Variants in PVALEF observed in about 807,000 individuals in gnomAD.
PVALEF encodes parvalbumin-like EF-hand-containing protein.
Under a neutral mutation model 1.2 loss-of-function variants are expected in PVALEF, and 2 were observed. The ratio of observed to expected loss-of-function variants is 1.68; its 90% CI spans 0.69 to 5.28. The LOEUF is 5.28. Among genes scored for constraint, PVALEF ranks in the 30% most tolerant of loss-of-function variants. The probability of loss-of-function intolerance (pLI) is 0.06; values close to 1 mark genes in which losing one functional copy is unlikely to be tolerated. For missense variants in PVALEF, 35 were observed against 17.7 expected (o/e 1.97, Z -1.75); for synonymous variants, 16 against 6.5 (o/e 2.47, Z -2.24).
chr17:81,180,480 G>A (rs752810512), intron 3 of PVALEF, among the ~76,000 whole-genome samples: 38 of 152,190 alleles, frequency 2.5e-4, no homozygotes, highest in Non-Finnish European at 4.9e-4. Flanking sequence ...TGCTGGCTGG[G>A]GGAATCAGCC....
In PVALEF at chr17:81,179,111, C is replaced by G; in HGVS notation, c.-146C>G. ...GCCCCTGGGCCTCTCCACACCCCAG[C>G]CTGACCCACCTTCCAGAACTCTCGA... is the stretch of plus-strand genomic sequence containing the variant. On this transcript the variant is annotated 5_prime_UTR_variant, in exon 3 of 7. Transcript: ENST00000637878. 2.4e-6 allele frequency: 1 copy of G among 423,042 alleles called. No individual in the cohort carries two copies. The highest frequency in any genetic ancestry group is 1.6e-5 in the South Asian group (1 of 60,786). The allele number at this position is 423,042 out of a possible 1,614,324, so 26.2% of individuals were successfully genotyped here. A position where few individuals can be genotyped will look rare whatever the true frequency, so the allele number is the denominator to read the frequency against.
chr17:81,173,456 G>C (rs2061527063), intron 2 of PVALEF, among the ~76,000 whole-genome samples: 1 of 152,208 alleles, frequency 6.6e-6, no homozygotes, highest in Non-Finnish European at 1.5e-5. Flanking sequence ...TGGGGTGGGA[G>C]CTCATGCTAC....
Position 81,179,099 on chromosome 17 carries a change from T to A in PVALEF, c.-158T>A. On this transcript the variant is annotated 5_prime_UTR_variant, in exon 3 of 7. Coordinates refer to ENST00000637878, the MANE Select transcript of PVALEF (RefSeq NM_001354639.2). ...ATAAAAGCTGGAGCCCCTGGGCCTC[T>A]CCACACCCCAGCCTGACCCACCTTC... The A allele has an allele frequency of 2.2e-6, 1 of 444,794 alleles. No individual in the cohort carries two copies. The highest frequency in any genetic ancestry group is 4.6e-6 in the Non-Finnish European group (1 of 219,590). 27.6% of individuals were successfully genotyped at this position (444,794 alleles called of 1,614,324 possible). A position where few individuals can be genotyped will look rare whatever the true frequency, so the allele number is the denominator to read the frequency against.
At chr17:81,175,652 T>TTGA (rs2146447426) in intron 2 of PVALEF, among the ~76,000 whole-genome samples, 1 of 152,308 alleles carries the variant, frequency 6.6e-6, no homozygotes, top group South Asian at 2.1e-4. Context: ...GGTCAAACGA[T>TTGA]TGTTGACAAG....
chr17:81,166,622 C>T, intron 1 of PVALEF, 55 bp from the exon 2 acceptor site: 3 of 447,580 alleles, frequency 6.7e-6, no homozygotes, highest in South Asian at 4.7e-5. Context: ...TGGGGGAACC[C>T]GGGAGCACAC....
intron 1 of PVALEF, chr17:81,166,153 T>A (rs1189441647): frequency 1.2e-5 from 3 of 246,820 alleles, no homozygotes; most frequent in Non-Finnish European, 1.8e-5. Flanking sequence ...CCCGCACCGG[T>A]GGGGGCGGCG....
rs1211221715 is a variant in PVALEF at position 81,181,201 on chromosome 17, T to C, written c.-26T>C. 15 of 702,952 alleles carry C rather than the reference T, an allele frequency of 2.1e-5. No individual in the cohort carries two copies. Among genetic ancestry groups the C allele is most frequent in the Non-Finnish European group, 3.6e-5 (14 of 384,718 alleles). The allele number at this position is 702,952 out of a possible 1,614,324, so 43.5% of individuals were successfully genotyped here. Reference sequence around the variant, plus strand: ...CAATCCGTGCGTGCACCCCACGAATTGACTCCCTATCCACCCAGGACCAGG... The same window carrying C: ...CAATCCGTGCGTGCACCCCACGAATCGACTCCCTATCCACCCAGGACCAGG... On this transcript the variant is annotated 5_prime_UTR_variant, in exon 4 of 7. Coordinates refer to ENST00000637878, the MANE Select transcript of PVALEF (RefSeq NM_001354639.2).
At chr17:81,166,896 A>G (rs964237251) in intron 2 of PVALEF, 52 bp downstream of exon 2, 20 of 337,514 alleles carry the variant, frequency 5.9e-5, no homozygotes, top group African/African-American at 2.8e-4. Context: ...CCCTTCCCCT[A>G]TGTTTCTCCC....
chr17:81,168,558 A>G lies in PVALEF; in HGVS notation c.-340+1714A>G, dbSNP rs560944790. The stretch of plus-strand genomic sequence containing the variant: ...TGCCCACGCTGGGACAGGATCAGTG[A>G]GCACCTCTGGGTAAGAGGTCCCTGA... On this transcript the variant is annotated intron_variant, in intron 2 of 6. Coordinates refer to ENST00000637878, the MANE Select transcript of PVALEF (RefSeq NM_001354639.2). 6.2e-4 allele frequency among the ~76,000 whole-genome samples: 95 copies of G among 152,280 alleles called. 1 individual carries two copies. Among genetic ancestry groups the G allele is most frequent in the African/African-American group, 2.2e-3 (90 of 41,548 alleles).
intron 2 of PVALEF, among the ~76,000 whole-genome samples, chr17:81,178,604 C>T (rs997091449): frequency 1.6e-4 from 25 of 152,080 alleles, no homozygotes; most frequent in African/African-American, 5.8e-4. Flanking sequence ...CAGGCTGGGC[C>T]GCAGCACCCA....
intron 2 of PVALEF, among the ~76,000 whole-genome samples, chr17:81,167,538 C>T (rs1315120357): frequency 6.6e-6 from 1 of 152,230 alleles, no homozygotes; most frequent in African/African-American, 2.4e-5. Flanking sequence ...CCTGCAGAGA[C>T]CAGGACAGGA....
intron 2 of PVALEF, among the ~76,000 whole-genome samples, chr17:81,177,408 C>CGTG (rs908001485): frequency 6.6e-6 from 1 of 151,708 alleles, no homozygotes; most frequent in Admixed American, 6.6e-5. Flanking sequence ...ATTAGCCGGG[C>CGTG]GTGGCGGCAT....
chr17:81,175,133 T>TTCCGG (rs2061532622), intron 2 of PVALEF, among the ~76,000 whole-genome samples: 2 of 152,150 alleles, frequency 1.3e-5, no homozygotes, highest in Non-Finnish European at 2.9e-5. Context: ...TGAAAAGGAT[T>TTCCGG]ATCCAATTTG....
chr17:81,171,535 A>T (rs2061520513), intron 2 of PVALEF, among the ~76,000 whole-genome samples: 1 of 152,080 alleles, frequency 6.6e-6, no homozygotes, highest in African/African-American at 2.4e-5. Flanking sequence ...TCTGTTACCT[A>T]GGCTGGAGTG....
At chr17:81,175,642 G>A (rs2061533869) in intron 2 of PVALEF, among the ~76,000 whole-genome samples, 1 of 152,116 alleles carries the variant, frequency 6.6e-6, no homozygotes, top group South Asian at 2.1e-4. Context: ...CACATAATAT[G>A]GTCAAACGAT....
chr17:81,170,876 C>T (rs2061518361), intron 2 of PVALEF, among the ~76,000 whole-genome samples: 1 of 152,134 alleles, frequency 6.6e-6, no homozygotes, highest in South Asian at 2.1e-4. Flanking sequence ...CCCTCCAGCC[C>T]CAGCCCCAGC....
chr17:81,173,234 G>A (rs370464968), intron 2 of PVALEF, among the ~76,000 whole-genome samples: 4 of 152,266 alleles, frequency 2.6e-5, no homozygotes, highest in East Asian at 3.9e-4. Context: ...TTCATGAGCC[G>A]GGCCCTGGCA....
At chr17:81,172,629 G>A (rs1209205475) in intron 2 of PVALEF, among the ~76,000 whole-genome samples, 2 of 151,990 alleles carry the variant, frequency 1.3e-5, no homozygotes, top group Non-Finnish European at 2.9e-5. Flanking sequence ...GCGTGGTGGT[G>A]GGCACCTGTA....
chr17:81,176,088 C>T (rs1466356083), intron 2 of PVALEF, among the ~76,000 whole-genome samples: 2 of 152,058 alleles, frequency 1.3e-5, no homozygotes, highest in Non-Finnish European at 2.9e-5. Flanking sequence ...AACTTAATCA[C>T]AAATAAACAA....
Sources: gnomAD v4.1 joint callset for allele counts (sites outside exome capture counted in the v4.1 genomes callset) on GRCh38, gnomAD v4.1.1 for gene constraint, MANE v1.5 for transcripts, NCBI Gene and HGNC (gene_info 2026-07-23, HGNC 2026-07-21) for gene names.